Variants in UBAC2 observed in about 807,000 individuals in gnomAD.
The protein encoded by UBAC2 is ubiquitin-associated domain-containing protein 2.
UBAC2 carries 26 observed loss-of-function variants against 44.0 expected under a neutral mutation model. The ratio of observed to expected loss-of-function variants is 0.59; its 90% CI spans 0.43 to 0.82. The LOEUF is 0.82. Ranked by LOEUF, UBAC2 falls within the 40% of genes least tolerant of loss-of-function variation. The pLI, the probability that UBAC2 is intolerant of heterozygous loss-of-function variation, is 0.00. For missense variants in UBAC2, 329 were observed against 419.4 expected, an observed-to-expected ratio of 0.78 and a Z score of 1.88; for synonymous variants, 155 against 154.3, an observed-to-expected ratio of 1.00 and a Z score of -0.04.
At chr13:99,241,064 G>A (rs567424442) in intron 2 of UBAC2, among the ~76,000 whole-genome samples, 12 of 152,120 alleles carry the variant, frequency 7.9e-5, no homozygotes, top group African/African-American at 2.7e-4. Context: ...AGGAGTTCAA[G>A]ACCAGCCTGG....
intron 8 of UBAC2, among the ~76,000 whole-genome samples, chr13:99,368,688 A>AGAGTGTGTGTGTGTGT (rs765104174): frequency 1.4e-5 from 2 of 146,596 alleles, no homozygotes; most frequent in African/African-American, 2.5e-5. Context: ...CTCATGAGAG[A>AGAGTGTGTGTGTGTGT]GTGTGTGTGT....
chr13:99,253,534 G>T lies in UBAC2; in HGVS notation c.389+8910G>T, dbSNP rs532840513. On this transcript the variant is annotated intron_variant, in intron 4 of 8. Coordinates refer to ENST00000403766, the MANE Select transcript of UBAC2 (RefSeq NM_001144072.2). ...AGAAATTAATTTCTTTTTTTTTTGA[G>T]ACGGAGTCTCGCTTTGTCACCCAGG... Among the ~76,000 whole-genome samples, 367 of 150,810 alleles carry T rather than the reference G, an allele frequency of 2.4e-3. 1 individual carries two copies. The highest frequency in any genetic ancestry group is 4.4e-3 in the South Asian group (21 of 4,796).
At chr13:99,280,964 TC>T (rs1215331530) in intron 4 of UBAC2, among the ~76,000 whole-genome samples, 2 of 152,052 alleles carry the variant, frequency 1.3e-5, no homozygotes, top group Non-Finnish European at 2.9e-5. Context: ...GGCAGGCAGA[TC>T]ACTTGAGGTC....
intron 4 of UBAC2, among the ~76,000 whole-genome samples, chr13:99,305,247 C>G (rs1183138415): frequency 6.6e-6 from 1 of 151,956 alleles, no homozygotes; most frequent in Non-Finnish European, 1.5e-5. Context: ...TTCCAAAACA[C>G]CACAGCCATC....
chr13:99,353,589 C>T (rs1566518123), intron 7 of UBAC2, among the ~76,000 whole-genome samples: 2 of 152,126 alleles, frequency 1.3e-5, no homozygotes, highest in Non-Finnish European at 2.9e-5. Context: ...AATTCTTTTC[C>T]TGGGTTTTCC....
chr13:99,254,842 A>G, intron 4 of UBAC2: 1 of 1,552,176 alleles, frequency 6.4e-7, no homozygotes, highest in Non-Finnish European at 8.8e-7. Flanking sequence ...AGTGAAGTGA[A>G]TTTTGATGGG....
At chr13:99,256,724 C>A (rs1447787243) in intron 4 of UBAC2, among the ~76,000 whole-genome samples, 19 of 105,448 alleles carry the variant, frequency 1.8e-4, no homozygotes, top group South Asian at 6.0e-4. Context: ...AAAAAAAAAA[C>A]CGTCCATTTT....
chr13:99,256,172 T>C (rs1011160166), intron 4 of UBAC2, among the ~76,000 whole-genome samples: 5 of 152,194 alleles, frequency 3.3e-5, no homozygotes, highest in African/African-American at 1.2e-4. Flanking sequence ...AATTGATGAA[T>C]AAATGAAGGA....
chr13:99,357,824 A>G (rs556979613), intron 7 of UBAC2, among the ~76,000 whole-genome samples: 1 of 152,286 alleles, frequency 6.6e-6, no homozygotes, highest in South Asian at 2.1e-4. Flanking sequence ...CCAACTAACT[A>G]CAGTCTTGGC....
At chr13:99,345,745 T>TC (rs2044967819) in intron 7 of UBAC2, among the ~76,000 whole-genome samples, 1 of 87,898 alleles carries the variant, frequency 1.1e-5, no homozygotes, top group South Asian at 2.8e-4. Context: ...TTCTTTCTTT[T>TC]TTTTTTTTTT....
intron 7 of UBAC2, among the ~76,000 whole-genome samples, chr13:99,346,890 G>A (rs555051309): frequency 5.2e-4 from 78 of 148,606 alleles, no homozygotes; most frequent in Non-Finnish European, 3.0e-4. Flanking sequence ...GCAGATGTTA[G>A]GAACTGTGGG....
chr13:99,209,898 C>T (rs918818926), intron 1 of UBAC2, among the ~76,000 whole-genome samples: 1 of 152,100 alleles, frequency 6.6e-6, no homozygotes, highest in Non-Finnish European at 1.5e-5. Context: ...CAGTTGAACC[C>T]AGGAGGCGGA....
At chr13:99,326,854 G>T (rs1288279432) in intron 6 of UBAC2, among the ~76,000 whole-genome samples, 1 of 152,150 alleles carries the variant, frequency 6.6e-6, no homozygotes, top group African/African-American at 2.4e-5. Flanking sequence ...CACACCACTA[G>T]GATGAGGCCC....
intron 8 of UBAC2, among the ~76,000 whole-genome samples, chr13:99,374,862 T>C (rs759827986): frequency 1.3e-5 from 2 of 152,164 alleles, no homozygotes; most frequent in African/African-American, 4.8e-5. Flanking sequence ...AAAAGCCTGA[T>C]ACACACAGGT....
chr13:99,341,635 T>C (rs976402212), intron 7 of UBAC2, among the ~76,000 whole-genome samples: 18 of 152,038 alleles, frequency 1.2e-4, no homozygotes, highest in Admixed American at 7.2e-4. Context: ...TCTGTAGGGA[T>C]GAGAGCTGAG....
At chr13:99,205,865 C>G (rs1170659757) in intron 1 of UBAC2, 5 of 160,108 alleles carry the variant, frequency 3.1e-5, no homozygotes, top group African/African-American at 1.2e-4. Flanking sequence ...GACGACCATC[C>G]CCGATAGAGG....
At chr13:99,367,671 A>G (rs2045348934) in intron 7 of UBAC2, 116 bp from the exon 8 acceptor site, 12 of 1,401,590 alleles carry the variant, frequency 8.6e-6, no homozygotes, top group South Asian at 2.4e-5. Context: ...GAGCGGATCA[A>G]TATGATACTT....
At chr13:99,323,555 C>G (rs1056364126) in intron 6 of UBAC2, among the ~76,000 whole-genome samples, 4 of 152,244 alleles carry the variant, frequency 2.6e-5, no homozygotes, top group African/African-American at 9.6e-5. Flanking sequence ...TCTTAAGAAG[C>G]ATCCAAATTT....
At chr13:99,237,253 C>CATATAT (rs1566460789) in intron 1 of UBAC2, among the ~76,000 whole-genome samples, 1 of 71,460 alleles carries the variant, frequency 1.4e-5, no homozygotes, top group African/African-American at 4.4e-5. Flanking sequence ...AAATTTTATG[C>CATATAT]GTATATATAT....
Sources: allele counts gnomAD v4.1 joint callset (sites outside exome capture counted in the v4.1 genomes callset), GRCh38; gene constraint gnomAD v4.1.1; transcripts MANE v1.5; gene names NCBI Gene and HGNC (gene_info 2026-07-23, HGNC 2026-07-21).